Variants in CNOT10 observed in about 807,000 individuals in gnomAD.
CNOT10 encodes the protein CCR4-NOT transcription complex, subunit 10.
CNOT10 carries 30 observed loss-of-function variants against 94.6 expected under a neutral mutation model. The observed-to-expected ratio is 0.32, with a 90% CI of 0.24 to 0.43. CNOT10 has a LOEUF of 0.43. CNOT10 is among the 20% of genes least tolerant of loss of function. The probability of loss-of-function intolerance (pLI) is 1.00; values close to 1 mark genes in which losing one functional copy is unlikely to be tolerated. For synonymous variants in CNOT10, 289 were observed against 301.6 expected, an observed-to-expected ratio of 0.96 and a Z score of 0.43; for missense variants, 759 against 877.2, an observed-to-expected ratio of 0.87 and a Z score of 1.70.
chr3:32,727,947 A>AT (rs1698756230), intron 10 of CNOT10, 77 bp downstream of exon 10: 2 of 1,005,142 alleles, frequency 2.0e-6, no homozygotes, highest in Non-Finnish European at 2.9e-6. Context: ...AAAAAAAAAA[A>AT]AACCTTGGAA....
chr3:32,706,468 T>G (rs1220546968), intron 3 of CNOT10, among the ~76,000 whole-genome samples: 1 of 152,242 alleles, frequency 6.6e-6, no homozygotes, highest in Non-Finnish European at 1.5e-5. Context: ...TTTGTACTTG[T>G]GGTTACTGAC....
chr3:32,707,988 C>G (rs1368804175), intron 3 of CNOT10, among the ~76,000 whole-genome samples: 1 of 152,088 alleles, frequency 6.6e-6, no homozygotes, highest in Non-Finnish European at 1.5e-5. Context: ...TGGATTTAAG[C>G]AAGTTTCCTC....
intron 1 of CNOT10, among the ~76,000 whole-genome samples, chr3:32,694,688 C>G (rs1696977922): frequency 6.6e-6 from 1 of 152,028 alleles, no homozygotes; most frequent in Non-Finnish European, 1.5e-5. Context: ...TTCCTGGGTT[C>G]AAGTGATTCT....
intron 2 of CNOT10, 77 bp from the exon 3 acceptor site, chr3:32,704,734 A>G: frequency 7.0e-7 from 1 of 1,426,180 alleles, no homozygotes; most frequent in East Asian, 2.6e-5. Context: ...AGATGAATGA[A>G]ATATATTTGG....
chr3:32,710,167 AAAG>A (rs1203131918), intron 4 of CNOT10, among the ~76,000 whole-genome samples: 14 of 150,696 alleles, frequency 9.3e-5, no homozygotes, highest in Non-Finnish European at 1.6e-4. Flanking sequence ...AAAAAAAAAA[AAAG>A]AGAATTTCCT....
intron 1 of CNOT10, among the ~76,000 whole-genome samples, chr3:32,687,551 A>ACGCCAT (rs1696684834): frequency 1.4e-5 from 2 of 141,702 alleles, no homozygotes; most frequent in South Asian, 4.6e-4. Context: ...TCCCGGGTTC[A>ACGCCAT]CGCCATTCTC....
Position 32,725,424 on chromosome 3 carries a change from G to A in CNOT10, c.863-26G>A, listed in dbSNP as rs1385093557. The A allele has an allele frequency of 1.9e-6, 3 of 1,608,252 alleles. No homozygotes were observed. In the Admixed American group the frequency reaches 5.0e-5, roughly 27 times the overall value. ...ACATCAACATTAAAATTTTTCTGTG[G>A]ACAAATTTATTTGCATTTTTTTCAG... On this transcript the variant is annotated intron_variant, in intron 8 of 18. Transcript: ENST00000328834.
intron 1 of CNOT10, among the ~76,000 whole-genome samples, chr3:32,701,646 A>G (rs1656534705): frequency 6.6e-6 from 1 of 152,068 alleles, no homozygotes. Context: ...TCTGCTGACC[A>G]TGTGAAGATC....
chr3:32,717,514 CACTT>C (rs10589864), intron 7 of CNOT10, among the ~76,000 whole-genome samples: 5,970 of 152,096 alleles, frequency 0.039, 184 homozygotes, highest in African/African-American at 0.079. Context: ...TATCACAACT[CACTT>C]AAACATTTTG....
At chr3:32,723,263 G>T (rs1476824401) in intron 8 of CNOT10, among the ~76,000 whole-genome samples, 1 of 151,826 alleles carries the variant, frequency 6.6e-6, no homozygotes, top group Admixed American at 6.6e-5. Context: ...TGTGGTGGCG[G>T]GCGCCTGTAG....
intron 17 of CNOT10, among the ~76,000 whole-genome samples, chr3:32,768,355 G>A (rs1160763123): frequency 2.0e-5 from 3 of 152,184 alleles, no homozygotes; most frequent in Non-Finnish European, 2.9e-5. Context: ...GCCAAGGCGG[G>A]TGGATCATCT....
In CNOT10 at chr3:32,764,595, C is replaced by A. The variant is rs879624849; in HGVS notation, c.1877-87C>A. 2.5e-6 allele frequency: 4 copies of A among 1,600,570 alleles called. No homozygotes were observed. The Admixed American group carries it at 5.1e-5, about 20-fold the overall frequency. On this transcript the variant is annotated intron_variant, in intron 16 of 18. Transcript: ENST00000328834. ...TTTCTGCCTGAGGAATACTGCTGTG[C>A]CAAGTGGCTCCTCAAGGCGATAGAT...
In CNOT10 at chr3:32,695,963, AAG is replaced by A. The variant is rs753363810; in HGVS notation, c.23-7900_23-7899del. ...AAGGAAAATAAAAATAATCCTGTTG[AAG>A]AGAGTGTGTGTGTGTGTGTGTGTGT... On this transcript the variant is annotated intron_variant, in intron 1 of 18. Coordinates refer to ENST00000328834, the MANE Select transcript of CNOT10 (RefSeq NM_015442.3). 5.5e-3 allele frequency: 3,291 copies of A among 593,532 alleles called. 39 individuals carry two copies. The highest frequency in any genetic ancestry group is 0.029 in the African/African-American group (1,300 of 44,486). 36.8% of individuals were successfully genotyped at this position (593,532 alleles called of 1,614,324 possible).
intron 10 of CNOT10, among the ~76,000 whole-genome samples, chr3:32,731,933 C>T (rs1020693522): frequency 1.3e-5 from 2 of 151,970 alleles, no homozygotes; most frequent in Admixed American, 6.6e-5. Flanking sequence ...AAAAAATTAG[C>T]CAGGTTGTTG....
intron 1 of CNOT10, among the ~76,000 whole-genome samples, chr3:32,697,503 C>T (rs777821428): frequency 1.4e-4 from 21 of 152,094 alleles, no homozygotes; most frequent in Admixed American, 3.3e-4. Flanking sequence ...CAGGGTTTCA[C>T]TCTGTCACCC....
At chr3:32,764,285 C>G (rs373733266) in intron 15 of CNOT10, 170 bp from the exon 16 acceptor site, 1 of 606,810 alleles carries the variant, frequency 1.6e-6, no homozygotes, top group African/African-American at 1.9e-5. Context: ...TGCAGTGAGC[C>G]GAGATCATGC....
chr3:32,765,818 G>C (rs113250067), intron 17 of CNOT10, among the ~76,000 whole-genome samples: 4,557 of 52,192 alleles, frequency 0.087, 2,024 homozygotes, highest in East Asian at 0.21. Context: ...AGATGTCCAA[G>C]ACATACTAAA....
intron 1 of CNOT10, among the ~76,000 whole-genome samples, chr3:32,699,861 C>G (rs1697252073): frequency 6.6e-6 from 1 of 151,924 alleles, no homozygotes; most frequent in African/African-American, 2.4e-5. Context: ...TGTAGGCACT[C>G]TTGAGGGGTA....
rs1224132650 is a variant in CNOT10, at chr3:32,746,768, C to T, written c.1595+9278C>T. ...AGGAGAATGGTGTGTACCCAGGAGG[C>T]GGAGCTTGCAGTGAGCCAAGATTGC... On this transcript the variant is annotated intron_variant, in intron 13 of 18. Transcript: ENST00000328834. Among the ~76,000 whole-genome samples, 11 of 144,484 alleles carry T rather than the reference C, an allele frequency of 7.6e-5. No individual in the cohort carries two copies. The East Asian group carries it at 1.7e-3, about 22-fold the overall frequency. The allele number at this position is 144,484 out of a possible 152,430, so 94.8% of individuals were successfully genotyped here.
Sources: allele counts gnomAD v4.1 joint callset (sites outside exome capture counted in the v4.1 genomes callset), GRCh38; gene constraint gnomAD v4.1.1; transcripts MANE v1.5; gene names NCBI Gene and HGNC (gene_info 2026-07-23, HGNC 2026-07-21).